Variants in SLCO1B3 observed in about 807,000 individuals in gnomAD.
The protein encoded by SLCO1B3 is liver-specific organic anion transporter 2.
A neutral mutation model predicts 71.8 loss-of-function variants in SLCO1B3; 72 were observed. The observed-to-expected ratio is 1.00, with a 90% confidence interval of 0.83 to 1.22. SLCO1B3 has a LOEUF of 1.22. Among genes scored for constraint, SLCO1B3 ranks in the 50% most tolerant of loss-of-function variants. SLCO1B3 has a pLI of 0.00. For missense variants in SLCO1B3, 911 were observed against 819.7 expected (o/e 1.11, Z -1.36); for synonymous variants, 298 against 278.4 (o/e 1.07, Z -0.70).
At chr12:20,858,641 A>G in intron 5 of SLCO1B3, 70 bp downstream of exon 5, 3 of 1,448,510 alleles carry the variant, frequency 2.1e-6, no homozygotes, top group East Asian at 2.3e-5. Context: ...TTTTATTTTT[A>G]TACTTGTAAG....
intron 3 of SLCO1B3, among the ~76,000 whole-genome samples, chr12:20,845,513 AGTTT>A (rs1326153306): frequency 6.6e-6 from 1 of 152,116 alleles, no homozygotes. Flanking sequence ...TAGATGCTTC[AGTTT>A]GTTCTTTTGT....
chr12:20,881,992 G>A lies in SLCO1B3; in HGVS notation c.1497+972G>A, dbSNP rs4149146. Among the ~76,000 whole-genome samples, 227 of 152,284 alleles carry A rather than the reference G, an allele frequency of 1.5e-3. 6 individuals are homozygous for A. The East Asian group carries it at 0.039, about 26-fold the overall frequency. On this transcript the variant is annotated intron_variant, in intron 12 of 15. Coordinates refer to ENST00000381545, the MANE Select transcript of SLCO1B3 (RefSeq NM_019844.4). ...AAGCCTCCTAGTTTCCTTGAAGATA[G>A]GCTACAACTTTAGTAAACTTGCACA...
chr12:20,878,552 T>C (rs1215398902), intron 10 of SLCO1B3, among the ~76,000 whole-genome samples: 5 of 152,170 alleles, frequency 3.3e-5, no homozygotes, highest in Non-Finnish European at 5.9e-5. Context: ...ATTTGATAAG[T>C]ATTTGATGAG....
Position 20,877,983 on chromosome 12 carries a change from G to A in SLCO1B3, c.1135+47G>A, listed in dbSNP as rs752212889. On this transcript the variant is annotated intron_variant, in intron 10 of 15. Transcript: ENST00000381545. ...TTTGCTTGATAAATGAAACACTGCT[G>A]AGTACTTGTGTTCCAAGTCACATTT... 25 of 1,224,618 alleles carry A rather than the reference G, an allele frequency of 2.0e-5. No homozygotes were observed. In the East Asian group the frequency reaches 6.1e-4, roughly 30 times the overall value. The allele number at this position is 1,224,618 out of a possible 1,614,324, so 75.9% of individuals were successfully genotyped here. A position where few individuals can be genotyped will look rare whatever the true frequency, so the allele number is the denominator to read the frequency against.
intron 6 of SLCO1B3, 63 bp from the exon 7 acceptor site, chr12:20,862,349 T>C: frequency 6.7e-7 from 1 of 1,499,544 alleles, no homozygotes; most frequent in Non-Finnish European, 9.0e-7. Context: ...TTTAAAGTAG[T>C]TAAATTTCTA....
chr12:20,879,585 A>T lies in SLCO1B3; in HGVS notation c.1285A>T (p.Ile429Phe), dbSNP rs1223040541. 6.2e-7 allele frequency: 1 copy of T among 1,612,754 alleles called. No individual in the cohort carries two copies. Among genetic ancestry groups the T allele is most frequent in the East Asian group, 2.2e-5 (1 of 44,784 alleles). ...FLFQLLYFPL[I>F]CESKSVAGLT... Reference sequence around the variant, plus strand: ...GTTTCAACTTCTATATTTCCCTCTAATCTGCGAAAGCAAATCAGTTGCCGG... The same window carrying T: ...GTTTCAACTTCTATATTTCCCTCTATTCTGCGAAAGCAAATCAGTTGCCGG... Residue 429 changes from isoleucine (I) to phenylalanine (F), a missense_variant, in exon 11 of 16, where the codon ATC becomes TTC. By Grantham distance (21) the Ile-to-Phe change is conservative. Coordinates refer to ENST00000381545, the MANE Select transcript of SLCO1B3 (RefSeq NM_019844.4).
intron 3 of SLCO1B3, among the ~76,000 whole-genome samples, chr12:20,852,849 G>A (rs1204140487): frequency 2.6e-5 from 4 of 152,042 alleles, no homozygotes; most frequent in Non-Finnish European, 5.9e-5. Flanking sequence ...TTACATATAA[G>A]ATGATGTCAT....
At chr12:20,832,256 CA>C (rs1864557511) in intron 3 of SLCO1B3, among the ~76,000 whole-genome samples, 1 of 152,148 alleles carries the variant, frequency 6.6e-6, no homozygotes, top group Admixed American at 6.5e-5. Flanking sequence ...TATACAGACT[CA>C]GTGGATGGAA....
At chr12:20,858,366 A>C (rs1565591562) in intron 4 of SLCO1B3, 73 bp from the exon 5 acceptor site, 2 of 1,099,562 alleles carry the variant, frequency 1.8e-6, no homozygotes, top group Non-Finnish European at 2.7e-6. Flanking sequence ...ATTTGCATTC[A>C]TTTGGGGCAT....
intron 15 of SLCO1B3, chr12:20,901,793 C>T (rs1161273052): frequency 2.8e-6 from 1 of 353,684 alleles, no homozygotes; most frequent in Non-Finnish European, 5.4e-6. Context: ...AAGCTCTCTC[C>T]CACTGGCTTC....
chr12:20,849,296 G>A (rs12425111), intron 3 of SLCO1B3, among the ~76,000 whole-genome samples: 109,893 of 151,678 alleles, frequency 0.72, 42,372 homozygotes, highest in South Asian at 0.9. Flanking sequence ...AATATATTAA[G>A]CAAAGAAAAA....
chr12:20,904,805 G>T (rs1240576450), intron 15 of SLCO1B3, among the ~76,000 whole-genome samples: 1 of 111,628 alleles, frequency 9.0e-6, no homozygotes. Flanking sequence ...ACAGTGTCTT[G>T]CTCTGATGCC....
chr12:20,905,327 C>T (rs751723780), intron 15 of SLCO1B3, among the ~76,000 whole-genome samples: 1 of 152,184 alleles, frequency 6.6e-6, no homozygotes, highest in Non-Finnish European at 1.5e-5. Context: ...ACTGTCTTGG[C>T]TATTAACATT....
intron 1 of SLCO1B3, among the ~76,000 whole-genome samples, chr12:20,813,260 T>C (rs1864137857): frequency 6.6e-6 from 1 of 152,220 alleles, no homozygotes; most frequent in Admixed American, 6.5e-5. Flanking sequence ...CCTTGTTGAG[T>C]AAATTAATGC....
intron 15 of SLCO1B3, among the ~76,000 whole-genome samples, chr12:20,912,468 A>G (rs1477054603): frequency 6.8e-6 from 1 of 147,752 alleles, no homozygotes. Context: ...AGCGGGGATT[A>G]CAGGTGTGTG....
At chr12:20,915,220 T>G (rs1158274709) in intron 15 of SLCO1B3, among the ~76,000 whole-genome samples, 1 of 152,140 alleles carries the variant, frequency 6.6e-6, no homozygotes, top group Non-Finnish European at 1.5e-5. Context: ...TTTTTATTGA[T>G]ATAAACTTAG....
At chr12:20,820,032 G>A (rs1298219180) in intron 3 of SLCO1B3, among the ~76,000 whole-genome samples, 1 of 152,056 alleles carries the variant, frequency 6.6e-6, no homozygotes, top group Non-Finnish European at 1.5e-5. Context: ...GTGCATAAAA[G>A]AGTATTGTCT....
intron 3 of SLCO1B3, among the ~76,000 whole-genome samples, chr12:20,853,680 G>T (rs989530127): frequency 3.3e-5 from 5 of 151,562 alleles, no homozygotes; most frequent in Admixed American, 6.6e-5. Flanking sequence ...ACCAACTTGG[G>T]TTCATTAATT....
At chr12:20,878,932 T>G (rs1433489745) in intron 10 of SLCO1B3, among the ~76,000 whole-genome samples, 1 of 152,126 alleles carries the variant, frequency 6.6e-6, no homozygotes, top group Non-Finnish European at 1.5e-5. Context: ...AGTGAGTTAT[T>G]GAGGATTGAA....
Sources: gnomAD v4.1 joint callset for allele counts (sites outside exome capture counted in the v4.1 genomes callset) on GRCh38, gnomAD v4.1.1 for gene constraint, MANE v1.5 for transcripts, NCBI Gene and HGNC (gene_info 2026-07-23, HGNC 2026-07-21) for gene names.